Variants in CACNB4 observed in about 807,000 individuals in gnomAD.
The protein encoded by CACNB4 is calcium voltage-gated channel auxiliary subunit beta 4.
A neutral mutation model predicts 71.2 loss-of-function variants in CACNB4; 32 were observed. The observed-to-expected ratio is 0.45, with a 90% CI of 0.34 to 0.60. CACNB4 has a LOEUF of 0.60. CACNB4 is among the 20% of genes least tolerant of loss of function. The pLI, the probability that CACNB4 is intolerant of heterozygous loss-of-function variation, is 0.01. For missense variants in CACNB4, 464 were observed against 647.9 expected (o/e 0.72, Z 3.08); for synonymous variants, 231 against 236.9 (o/e 0.97, Z 0.23).
intron 2 of CACNB4, among the ~76,000 whole-genome samples, chr2:152,040,084 C>T (rs999520842): frequency 7.2e-5 from 11 of 152,102 alleles, no homozygotes; most frequent in South Asian, 2.1e-4. Flanking sequence ...GTTTTCATTG[C>T]GGCTAAATGG....
Position 152,080,637 on chromosome 2 carries a change from C to T in CACNB4, c.147+17693G>A, listed in dbSNP as rs1310859451. Among the ~76,000 whole-genome samples the T allele has an allele frequency of 3.3e-5, 5 of 152,096 alleles. No homozygotes were observed. The East Asian group carries it at 9.6e-4, about 29-fold the overall frequency. On this transcript the variant is annotated intron_variant, in intron 2 of 13. Coordinates refer to ENST00000539935, the MANE Select transcript of CACNB4 (RefSeq NM_000726.5). ...AGATTAGTGGCATATATTTTGTGTACTCTGTCTCATCTGTATTTTTTCCAT... is the reference window on the plus strand; with the variant it reads ...AGATTAGTGGCATATATTTTGTGTATTCTGTCTCATCTGTATTTTTTCCAT...
At chr2:151,924,558 T>C (rs1454348904) in intron 2 of CACNB4, among the ~76,000 whole-genome samples, 4 of 151,618 alleles carry the variant, frequency 2.6e-5, no homozygotes, top group African/African-American at 7.3e-5. Context: ...AGTATATATA[T>C]ATAATTACAT....
At chr2:151,882,801 A>G (rs1254261362) in intron 3 of CACNB4, among the ~76,000 whole-genome samples, 1 of 152,204 alleles carries the variant, frequency 6.6e-6, no homozygotes, top group East Asian at 1.9e-4. Flanking sequence ...AAAGTCCTGA[A>G]CTTCACACTG....
At chr2:152,089,811 G>A (rs1687870296) in intron 2 of CACNB4, among the ~76,000 whole-genome samples, 1 of 152,122 alleles carries the variant, frequency 6.6e-6, no homozygotes, top group Admixed American at 6.5e-5. Context: ...GCTTGGTAGT[G>A]CACACCTGTA....
intron 2 of CACNB4, among the ~76,000 whole-genome samples, chr2:151,924,684 G>A (rs1011075386): frequency 6.6e-6 from 1 of 152,108 alleles, no homozygotes; most frequent in Non-Finnish European, 1.5e-5. Flanking sequence ...AATAAGAGAA[G>A]TTCTGGAATA....
chr2:152,069,543 TCA>T (rs999879414), intron 2 of CACNB4, among the ~76,000 whole-genome samples: 11 of 151,018 alleles, frequency 7.3e-5, no homozygotes, highest in Non-Finnish European at 1.6e-4. Flanking sequence ...AATTCTTCCT[TCA>T]CACATACCCT....
rs1349133186 is a variant in CACNB4 at position 152,098,900 on chromosome 2, G to C, written c.63+49C>G. The C allele has an allele frequency of 9.1e-6, 12 of 1,313,128 alleles. No homozygotes were observed. In the East Asian group the frequency reaches 3.1e-4, roughly 34 times the overall value. The allele number at this position is 1,313,128 out of a possible 1,614,324, so 81.3% of individuals were successfully genotyped here. A position where few individuals can be genotyped will look rare whatever the true frequency, so the allele number is the denominator to read the frequency against. The stretch of plus-strand genomic sequence containing the variant: ...GGCGCGCTAGGGCGGCGGAGGAGGT[G>C]TGAGGAAGGAAGAGGAGGAAGAGGA... On this transcript the variant is annotated intron_variant, in intron 1 of 13. Transcript: ENST00000539935. The surrounding 1 kb of genome is among the most constrained non-coding windows in gnomAD (Gnocchi z 5.3).
chr2:152,070,079 G>A (rs1686597387), intron 2 of CACNB4, among the ~76,000 whole-genome samples: 2 of 151,940 alleles, frequency 1.3e-5, no homozygotes, highest in Admixed American at 6.6e-5. Flanking sequence ...TCCTGACCTC[G>A]TGATCCGCCC....
At chr2:152,042,823 G>C (rs1684945382) in intron 2 of CACNB4, among the ~76,000 whole-genome samples, 1 of 152,120 alleles carries the variant, frequency 6.6e-6, no homozygotes, top group African/African-American at 2.4e-5. Flanking sequence ...CTTAGTTACA[G>C]GGTAAGACAG....
chr2:152,087,645 C>A (rs1008089972), intron 2 of CACNB4, among the ~76,000 whole-genome samples: 2 of 151,994 alleles, frequency 1.3e-5, no homozygotes, highest in Admixed American at 1.3e-4. Flanking sequence ...TGAAACTTCT[C>A]GGGCTGGTGT....
At chr2:151,929,757 G>C (rs745923104) in intron 2 of CACNB4, among the ~76,000 whole-genome samples, 10 of 151,936 alleles carry the variant, frequency 6.6e-5, no homozygotes, top group Non-Finnish European at 1.3e-4. Flanking sequence ...AGAGGACAAA[G>C]AGAAAAAAAC....
chr2:152,024,122 C>A (rs1469628818), intron 2 of CACNB4, among the ~76,000 whole-genome samples: 1 of 152,162 alleles, frequency 6.6e-6, no homozygotes, highest in African/African-American at 2.4e-5. Context: ...GAGGTCAAGA[C>A]CAGCCTGGGT....
chr2:152,080,400 T>C (rs1445525419), intron 2 of CACNB4, among the ~76,000 whole-genome samples: 1 of 152,088 alleles, frequency 6.6e-6, no homozygotes, highest in Non-Finnish European at 1.5e-5. Flanking sequence ...GGATTACAGG[T>C]ATGAGCCACT....
At chr2:151,900,534 T>C (rs1352218808) in intron 2 of CACNB4, among the ~76,000 whole-genome samples, 1 of 152,148 alleles carries the variant, frequency 6.6e-6, no homozygotes, top group Non-Finnish European at 1.5e-5. Flanking sequence ...CAGAGGTTCA[T>C]GTTGAGGAGT....
chr2:151,860,538 T>C, intron 10 of CACNB4, 173 bp downstream of exon 10: 1 of 621,666 alleles, frequency 1.6e-6, no homozygotes, highest in Non-Finnish European at 2.9e-6. Flanking sequence ...CAGCAAGCTC[T>C]CGCTACTGCA....
intron 2 of CACNB4, among the ~76,000 whole-genome samples, chr2:151,916,273 T>C (rs2099857500): frequency 6.6e-6 from 1 of 152,210 alleles, no homozygotes; most frequent in Non-Finnish European, 1.5e-5. Flanking sequence ...ATCTCCTTTT[T>C]TATGCATAAA....
chr2:151,970,383 T>C (rs1449764573), intron 2 of CACNB4: 1 of 152,204 alleles, frequency 6.6e-6, no homozygotes, highest in African/African-American at 2.4e-5. Context: ...CTCTGCTGCG[T>C]CCATGGATCC....
chr2:152,005,111 G>A (rs1682649230), intron 2 of CACNB4, among the ~76,000 whole-genome samples: 2 of 152,180 alleles, frequency 1.3e-5, no homozygotes, highest in Admixed American at 6.5e-5. Context: ...AAAGCACTTT[G>A]GAAATTTTGC....
chr2:151,944,836 CT>C (rs1465677722), intron 2 of CACNB4, among the ~76,000 whole-genome samples: 1 of 152,220 alleles, frequency 6.6e-6, no homozygotes, highest in East Asian at 1.9e-4. Context: ...CAGAAACTGT[CT>C]TCTTGGAAAG....
Sources: allele counts gnomAD v4.1 joint callset (sites outside exome capture counted in the v4.1 genomes callset), GRCh38; gene constraint gnomAD v4.1.1; non-coding constraint Gnocchi (gnomAD v3.1); transcripts MANE v1.5; gene names NCBI Gene and HGNC (gene_info 2026-07-23, HGNC 2026-07-21).